RTN3: variants seen among roughly 807,000 people sequenced by gnomAD.
RTN3 encodes reticulon 3.
A neutral mutation model predicts 77.8 loss-of-function variants in RTN3; 49 were observed. The ratio of observed to expected loss-of-function variants is 0.63; its 90% CI spans 0.50 to 0.80. The LOEUF (loss-of-function observed/expected upper bound fraction) is 0.80, where lower values mean the gene tolerates loss of function less well. Ranked by LOEUF, RTN3 falls within the 30% of genes least tolerant of loss-of-function variation. The pLI, the probability that RTN3 is intolerant of heterozygous loss-of-function variation, is 0.00. For synonymous variants in RTN3, 464 were observed against 446.9 expected, an observed-to-expected ratio of 1.04 and a Z score of -0.48; for missense variants, 1,236 against 1,211.9, an observed-to-expected ratio of 1.02 and a Z score of -0.29.
rs544509356 is a variant in RTN3 at position 63,759,878 on chromosome 11, A to C, written c.*1677A>C. ...TTGATGTGGTATTAATAAAAAAAAAAAAAACACAAACAATGACTGTGGCAT... is the reference window on the plus strand; with the variant it reads ...TTGATGTGGTATTAATAAAAAAAAACAAAACACAAACAATGACTGTGGCAT... On this transcript the variant is annotated 3_prime_UTR_variant, in exon 9 of 9. Coordinates refer to ENST00000377819, the MANE Select transcript of RTN3 (RefSeq NM_001265589.2). The C allele has an allele frequency of 1.3e-5, 2 of 152,502 alleles. No individual in the cohort carries two copies. Among genetic ancestry groups the C allele is most frequent in the South Asian group, 2.1e-4 (1 of 4,824 alleles). The allele number at this position is 152,502 out of a possible 1,614,324, so 9.4% of individuals were successfully genotyped here. A position where few individuals can be genotyped will look rare whatever the true frequency, so the allele number is the denominator to read the frequency against.
Position 63,750,318 on chromosome 11 carries a change from TG to T in RTN3, c.2738+122del, listed in dbSNP as rs533519478. On this transcript the variant is annotated intron_variant, in intron 4 of 8. Coordinates refer to ENST00000377819, the MANE Select transcript of RTN3 (RefSeq NM_001265589.2). ...AATTATGGGGCCTAATGCAGCTGAT[TG>T]GTGGCATGAAGCATCCCCTAGAGAC... 4.9e-4 allele frequency: 401 copies of T among 819,862 alleles called. 4 individuals are homozygous for T. The South Asian group carries it at 5.5e-3, about 11-fold the overall frequency. The allele number at this position is 819,862 out of a possible 1,614,324, so 50.8% of individuals were successfully genotyped here.
chr11:63,738,789 G>A (rs2013294752), intron 3 of RTN3, among the ~76,000 whole-genome samples: 1 of 152,110 alleles, frequency 6.6e-6, no homozygotes, highest in Admixed American at 6.6e-5. Flanking sequence ...TTTTGGAAAT[G>A]GCTAGTTAGA....
intron 1 of RTN3, among the ~76,000 whole-genome samples, chr11:63,689,172 T>C (rs1941526766): frequency 6.6e-6 from 1 of 152,242 alleles, no homozygotes; most frequent in Non-Finnish European, 1.5e-5. Context: ...ATTTAGCTAA[T>C]ACTCTTTGTA....
intron 2 of RTN3, among the ~76,000 whole-genome samples, chr11:63,706,353 C>G (rs1185701324): frequency 6.6e-6 from 1 of 152,080 alleles, no homozygotes; most frequent in African/African-American, 2.4e-5. Flanking sequence ...CCATGCCCTG[C>G]TAATTTTTTA....
At chr11:63,695,303 T>C (rs950855103) in intron 1 of RTN3, among the ~76,000 whole-genome samples, 4 of 152,188 alleles carry the variant, frequency 2.6e-5, no homozygotes, top group Admixed American at 6.6e-5. Flanking sequence ...TTCTTTTTTT[T>C]CCCCCTGAAA....
At chr11:63,689,430 A>G (rs1403366511) in intron 1 of RTN3, among the ~76,000 whole-genome samples, 2 of 152,144 alleles carry the variant, frequency 1.3e-5, no homozygotes, top group Non-Finnish European at 2.9e-5. Flanking sequence ...TGTAATCAGT[A>G]TTGCTTGTGA....
intron 1 of RTN3, among the ~76,000 whole-genome samples, chr11:63,689,201 A>T (rs932035115): frequency 6.6e-6 from 1 of 152,206 alleles, no homozygotes; most frequent in Non-Finnish European, 1.5e-5. Flanking sequence ...ATTTTGGTAT[A>T]TGTGCTGCTG....
intron 2 of RTN3, among the ~76,000 whole-genome samples, chr11:63,712,483 A>ATTTTTTTTTTTTTTTTTTTTTTTTT (rs34923509): frequency 1.1e-5 from 1 of 90,396 alleles, no homozygotes; most frequent in Non-Finnish European, 2.3e-5. Context: ...AAGGACTTTG[A>ATTTTTTTTTTTTTTTTTTTTTTTTT]TTTTTTTTTT....
At chr11:63,743,748 C>T (rs1204319896) in intron 3 of RTN3, among the ~76,000 whole-genome samples, 2 of 151,818 alleles carry the variant, frequency 1.3e-5, no homozygotes, top group Non-Finnish European at 2.9e-5. Context: ...AACCCTGTCT[C>T]TACTAAAGAT....
At chr11:63,709,143 A>G (rs1052341639) in intron 2 of RTN3, among the ~76,000 whole-genome samples, 2 of 152,330 alleles carry the variant, frequency 1.3e-5, no homozygotes, top group Non-Finnish European at 2.9e-5. Context: ...AAGATGATCA[A>G]ATAAACTAGC....
intron 3 of RTN3, among the ~76,000 whole-genome samples, chr11:63,728,307 C>T (rs1246348920): frequency 6.6e-6 from 1 of 152,170 alleles, no homozygotes; most frequent in Non-Finnish European, 1.5e-5. Flanking sequence ...AGACCCCAGA[C>T]CCCCAGAGCA....
intron 1 of RTN3, among the ~76,000 whole-genome samples, chr11:63,696,154 G>A (rs1300473377): frequency 6.6e-6 from 1 of 151,378 alleles, no homozygotes; most frequent in African/African-American, 2.4e-5. Context: ...GGTGGCTCAT[G>A]CCTGTAATCC....
chr11:63,686,470 C>CA (rs11364347), intron 1 of RTN3, among the ~76,000 whole-genome samples: 15 of 92,546 alleles, frequency 1.6e-4, no homozygotes, highest in African/African-American at 5.2e-4. Context: ...GACTCCGTCT[C>CA]AAAAAAAAAA....
At chr11:63,724,102 G>A (rs1053671490) in intron 3 of RTN3, among the ~76,000 whole-genome samples, 1 of 151,052 alleles carries the variant, frequency 6.6e-6, no homozygotes, top group African/African-American at 2.4e-5. Flanking sequence ...AATTGTTACA[G>A]CCTTTCTGGA....
At position 63,718,712 on chromosome 11, in the gene RTN3, C is replaced by T; in HGVS notation, c.210C>T (p.Ser70=). ...SLFSTSQEGL[S]SLCSDEPSSE... is the part of the protein sequence containing the mutation. ...AAATTCTGATCATAGAGGGATTGAG[C>T]TCTCTTTGCTCTGATGAGCCATCTT... Residue 70 remains serine, a synonymous_variant, in exon 3 of 9, where the codon AGC becomes AGT. Coordinates refer to ENST00000377819, the MANE Select transcript of RTN3 (RefSeq NM_001265589.2). The T allele has an allele frequency of 1.3e-6, 2 of 1,570,222 alleles. No homozygotes were observed. Among genetic ancestry groups the T allele is most frequent in the Non-Finnish European group, 1.7e-6 (2 of 1,163,968 alleles).
intron 3 of RTN3, among the ~76,000 whole-genome samples, chr11:63,724,339 C>T (rs1458960888): frequency 4.6e-5 from 7 of 150,698 alleles, no homozygotes; most frequent in South Asian, 2.1e-4. Context: ...CCTGCTACCA[C>T]GCCCGGCTAA....
intron 1 of RTN3, among the ~76,000 whole-genome samples, chr11:63,695,169 C>T (rs1012902869): frequency 3.3e-5 from 5 of 152,110 alleles, no homozygotes; most frequent in South Asian, 2.1e-4. Flanking sequence ...CTGAAAGATA[C>T]GAAGATATGT....
At chr11:63,730,222 C>T (rs539900446) in intron 3 of RTN3, among the ~76,000 whole-genome samples, 8 of 152,310 alleles carry the variant, frequency 5.3e-5, no homozygotes, top group African/African-American at 1.9e-4. Flanking sequence ...CCTCCTCGGC[C>T]TCCCAAAGTG....
chr11:63,758,367 T>C lies in RTN3; in HGVS notation c.*166T>C. The C allele has an allele frequency of 6.3e-7, 1 of 1,589,122 alleles. No individual in the cohort carries two copies. The highest frequency in any genetic ancestry group is 8.5e-7 in the Non-Finnish European group (1 of 1,170,678). ...CATCCTTTCCCTTTAACCCTCAGTA[T>C]CAAGCACAAAAATTGATGGACTGAT... On this transcript the variant is annotated 3_prime_UTR_variant, in exon 9 of 9. Transcript: ENST00000377819.
Sources: gnomAD v4.1 joint callset for allele counts (sites outside exome capture counted in the v4.1 genomes callset) on GRCh38, gnomAD v4.1.1 for gene constraint, MANE v1.5 for transcripts, NCBI Gene and HGNC (gene_info 2026-07-23, HGNC 2026-07-21) for gene names.